Variants in ACP6 observed in about 807,000 individuals in gnomAD.
ACP6 encodes acid phosphatase 6, lysophosphatidic.
In ACP6, 48 loss-of-function variants were observed where a neutral mutation model predicts 48.1. The observed-to-expected ratio is 1.00, with a 90% CI of 0.79 to 1.27. The LOEUF is 1.27. ACP6 is among the 50% of genes most tolerant of loss of function. The pLI, the probability that ACP6 is intolerant of heterozygous loss-of-function variation, is 0.00. For missense variants in ACP6, 485 were observed against 529.1 expected (o/e 0.92, Z 0.82); for synonymous variants, 172 against 204.2 (o/e 0.84, Z 1.34).
Position 147,647,301 on chromosome 1 carries a change from T to A in ACP6, c.*122A>T. ...TTAGTAAACCCACAGAAAGGAAATA[T>A]CCTTACATTATATTAAAGTACATTA... On this transcript the variant is annotated 3_prime_UTR_variant, in exon 10 of 10. Transcript: ENST00000583509. 1 of 1,178,476 alleles carries A rather than the reference T, an allele frequency of 8.5e-7. No homozygotes were observed. The highest frequency in any genetic ancestry group is 1.2e-6 in the Non-Finnish European group (1 of 838,410). The allele number at this position is 1,178,476 out of a possible 1,614,324, so 73.0% of individuals were successfully genotyped here.
chr1:147,629,971 A>G (rs587626214), exon 6 of ACP6: 57 of 152,368 alleles, frequency 3.7e-4, no homozygotes, highest in Middle Eastern at 3.4e-3. Context: ...ATGTATGACC[A>G]TAGAAAGAGA....
intron 1 of ACP6, among the ~76,000 whole-genome samples, chr1:147,667,711 G>C (rs776444469): frequency 6.6e-6 from 1 of 151,918 alleles, no homozygotes; most frequent in Admixed American, 6.6e-5. Context: ...TCCCAATAAC[G>C]GCCGGGTGCT....
chr1:147,659,672 GAGTC>G lies in ACP6; in HGVS notation c.319_322del (p.Asp107LeufsTer8). 6.2e-7 allele frequency: 1 copy of G among 1,614,214 alleles called. No homozygotes were observed. Among genetic ancestry groups the G allele is most frequent in the South Asian group, 1.1e-5 (1 of 91,084 alleles). On this transcript the variant is annotated frameshift_variant, in exon 2 of 10. Coordinates refer to ENST00000583509, the MANE Select transcript of ACP6 (RefSeq NM_016361.5). LOFTEE classifies it high-confidence loss of function. ...CTTCAGGGTGGTCTCATGGTATTGA[GAGTC>G]GTAAGGAGAATATGGTTTCGGACCA...
chr1:147,638,186 G>A (rs368448828), downstream of ACP6, among the ~76,000 whole-genome samples: 1 of 152,178 alleles, frequency 6.6e-6, no homozygotes, highest in Non-Finnish European at 1.5e-5. Flanking sequence ...GGTTACAAGG[G>A]ATAATAAACA....
chr1:147,638,764 A>C (rs1659366913), downstream of ACP6, among the ~76,000 whole-genome samples: 1 of 152,200 alleles, frequency 6.6e-6, no homozygotes, highest in African/African-American at 2.4e-5. Flanking sequence ...CCTGATCCCC[A>C]TACATGATCA....
intron 5 of ACP6, among the ~76,000 whole-genome samples, chr1:147,634,569 A>G (rs1553207781): frequency 6.6e-6 from 1 of 152,124 alleles, no homozygotes; most frequent in Non-Finnish European, 1.5e-5. Flanking sequence ...GTCTTCTAAG[A>G]TTTTATAGTT....
At chr1:147,641,002 G>T (rs587702706), downstream of ACP6, among the ~76,000 whole-genome samples, 34 of 152,194 alleles carry the variant, frequency 2.2e-4, no homozygotes, top group African/African-American at 7.9e-4. Flanking sequence ...GAGACTCATC[G>T]CTGCCTAGCA....
chr1:147,632,925 G>C (rs1659208471), intron 5 of ACP6, among the ~76,000 whole-genome samples: 1 of 152,070 alleles, frequency 6.6e-6, no homozygotes, highest in Non-Finnish European at 1.5e-5. Flanking sequence ...TGGATAATGG[G>C]GACAATCACT....
intron 4 of ACP6, among the ~76,000 whole-genome samples, chr1:147,658,040 A>C (rs1660345810): frequency 6.6e-6 from 1 of 152,172 alleles, no homozygotes; most frequent in Non-Finnish European, 1.5e-5. Flanking sequence ...ATCACTCCTA[A>C]ACTCAAGGCT....
At chr1:147,650,404 C>T (rs782080551) in intron 7 of ACP6, 166 bp from the exon 8 acceptor site, 57 of 535,898 alleles carry the variant, frequency 1.1e-4, no homozygotes, top group Non-Finnish European at 1.7e-4. Context: ...GCACCGAGTC[C>T]GGTCTTGGGG....
rs1162310714 is a variant in ACP6 at position 147,668,327 on chromosome 1, C to T, written c.219+1503G>A. On this transcript the variant is annotated intron_variant, in intron 1 of 9. Transcript: ENST00000583509. The stretch of plus-strand genomic sequence containing the variant: ...CCTAAGCTACAACGGACCTTTCAAC[C>T]ATAAAGGCAGAAGATATCCATCACA... Among the ~76,000 whole-genome samples, 3 of 152,116 alleles carry T rather than the reference C, an allele frequency of 2.0e-5. No individual in the cohort carries two copies. The East Asian group carries it at 5.8e-4, about 29-fold the overall frequency.
intron 1 of ACP6, among the ~76,000 whole-genome samples, chr1:147,664,337 T>C (rs2148915945): frequency 6.6e-6 from 1 of 152,328 alleles, no homozygotes; most frequent in Non-Finnish European, 1.5e-5. Flanking sequence ...ACTTACTCAC[T>C]AGCCACGCAA....
At chr1:147,649,931 C>T (rs782187474) in intron 8 of ACP6, 1 of 521,344 alleles carries the variant, frequency 1.9e-6, no homozygotes, top group Non-Finnish European at 3.3e-6. Context: ...AGAGAGAAAG[C>T]AAAAATAAAA....
intron 5 of ACP6, among the ~76,000 whole-genome samples, chr1:147,632,358 C>T (rs1453125490): frequency 1.3e-5 from 2 of 152,140 alleles, no homozygotes; most frequent in Non-Finnish European, 2.9e-5. Flanking sequence ...AGTGTCTGCA[C>T]TCTATCAAAG....
intron 5 of ACP6, among the ~76,000 whole-genome samples, chr1:147,654,896 C>T (rs1553211315): frequency 6.6e-6 from 1 of 152,186 alleles, no homozygotes; most frequent in East Asian, 1.9e-4. Flanking sequence ...GGCAAAGGCC[C>T]ACTCGTGGCT....
chr1:147,669,899 C>T lies in ACP6; in HGVS notation c.150G>A (p.Leu50=). 1 of 1,600,464 alleles carries T rather than the reference C, an allele frequency of 6.2e-7. No individual in the cohort carries two copies. Among genetic ancestry groups the T allele is most frequent in the South Asian group, 1.1e-5 (1 of 89,332 alleles). The change falls in exon 1 of 10, where the codon TTG becomes TTA. Residue 50 remains leucine, a synonymous_variant. Coordinates refer to ENST00000583509, the MANE Select transcript of ACP6 (RefSeq NM_016361.5). The part of the protein sequence containing the change: ...QCPVDRSLLK[L]KMVQVVFRHG... Reference sequence around the variant, plus strand: ...GTCGAAACACGACCTGCACCATTTTCAACTTCAGCAGGCTGCGGTCGACCG... The same window carrying T: ...GTCGAAACACGACCTGCACCATTTTTAACTTCAGCAGGCTGCGGTCGACCG...
chr1:147,652,763 A>AAAG, intron 6 of ACP6: 1 of 864,460 alleles, frequency 1.2e-6, no homozygotes, highest in Non-Finnish European at 1.8e-6. Flanking sequence ...GAAAAAAAAA[A>AAAG]AAGAAAGGGT....
chr1:147,636,978 T>C (rs1025855386), intron 5 of ACP6, among the ~76,000 whole-genome samples: 1 of 152,150 alleles, frequency 6.6e-6, no homozygotes, highest in Admixed American at 6.5e-5. Flanking sequence ...CAGGAAGGCA[T>C]TTTCAAGAGC....
At position 147,654,200 on chromosome 1, in the gene ACP6, G is replaced by A. The variant is rs782753747; in HGVS notation, c.774C>T (p.Ala258=). Residue 258 remains alanine (A), a synonymous_variant, in exon 6 of 10, where the codon GCC becomes GCT. Transcript: ENST00000583509. The part of the protein sequence containing the change: ...DFFILLDNVA[A]EQAHNLPSCP... Reference sequence around the variant, plus strand: ...CCCCAACCCCAGGACTCACCTGCTCGGCAGCCACGTTGTCCAGGAGGATGA... The same window carrying A: ...CCCCAACCCCAGGACTCACCTGCTCAGCAGCCACGTTGTCCAGGAGGATGA... 25 of 1,613,892 alleles carry A rather than the reference G, an allele frequency of 1.5e-5. No individual in the cohort carries two copies. Among genetic ancestry groups the A allele is most frequent in the South Asian group, 5.5e-5 (5 of 91,072 alleles).
Sources: allele counts gnomAD v4.1 joint callset (sites outside exome capture counted in the v4.1 genomes callset), GRCh38; gene constraint gnomAD v4.1.1; transcripts MANE v1.5; gene names NCBI Gene and HGNC (gene_info 2026-07-23, HGNC 2026-07-21).